The following CFAP157 variants were observed in gnomAD, a reference collection of about 807,000 sequenced individuals.
CFAP157 encodes cilia- and flagella-associated protein 157.
Under a neutral mutation model 57.8 loss-of-function variants are expected in CFAP157, and 43 were observed. The ratio of observed to expected loss-of-function variants is 0.74; its 90% confidence interval spans 0.58 to 0.96. The LOEUF is 0.96. Among genes scored for constraint, CFAP157 ranks in the 40% least tolerant of loss-of-function variants. The probability of loss-of-function intolerance (pLI) is 0.00; values close to 1 mark genes in which losing one functional copy is unlikely to be tolerated. For synonymous variants in CFAP157, 267 were observed against 269.0 expected (o/e 0.99, Z 0.07); for missense variants, 606 against 655.3 (o/e 0.92, Z 0.82).
chr9:127,711,167 G>C (rs1222102763), intron 3 of CFAP157, 62 bp from the exon 4 acceptor site: 11 of 1,569,358 alleles, frequency 7.0e-6, no homozygotes, highest in Non-Finnish European at 9.5e-6. Context: ...CCTCACAAAG[G>C]GGTGTGCCCA....
chr9:127,712,163 G>C (rs1842781000), intron 5 of CFAP157, 36 bp from the exon 6 acceptor site: 1 of 1,611,590 alleles, frequency 6.2e-7, no homozygotes, highest in Non-Finnish European at 8.5e-7. Context: ...CCTGGGGAAG[G>C]GGGAAGGCTG....
Position 127,711,970 on chromosome 9 carries a change from G to A in CFAP157, c.986+20G>A, listed in dbSNP as rs1049940851. 2 of 1,597,816 alleles carry A rather than the reference G, an allele frequency of 1.3e-6. No individual in the cohort carries two copies. The highest frequency in any genetic ancestry group is 1.7e-6 in the Non-Finnish European group (2 of 1,174,480). On this transcript the variant is annotated intron_variant, in intron 5 of 8. Coordinates refer to ENST00000373295, the MANE Select transcript of CFAP157 (RefSeq NM_001012502.3). ...ACTGAAGTGCGTATGGCCCACGGAG[G>A]GGCGGGCGGCGGGTGCAGGCTGGGG...
In CFAP157 at chr9:127,713,049, G is replaced by T. The variant is rs1430042145; in HGVS notation, c.1334G>T (p.Gly445Val). Reference protein sequence around the residue: ...SRPSIQLPRTGSLLPQLSDIT... With the variant: ...SRPSIQLPRTVSLLPQLSDIT... ...CCCAGCATCCAGCTGCCCAGGACTG[G>T]GTCTCTGCTGCCGCAGCTCTCTGAC... Residue 445 changes from glycine (G) to valine (V), a missense_variant, in exon 8 of 9, where the codon GGG becomes GTG. Physicochemically the swap from Gly to Val is moderately radical, Grantham distance 109 (BLOSUM62 -3). Coordinates refer to ENST00000373295, the MANE Select transcript of CFAP157 (RefSeq NM_001012502.3). The T allele has an allele frequency of 1.2e-6, 2 of 1,613,792 alleles. No homozygotes were observed.
chr9:127,712,486 G>A (rs183037906), intron 6 of CFAP157, 137 bp downstream of exon 6: 1,181 of 1,453,200 alleles, frequency 8.1e-4, no homozygotes, highest in Non-Finnish European at 1.0e-3. Flanking sequence ...TCTGTCCTTC[G>A]CTGATTCTGG....
intron 4 of CFAP157, 108 bp from the exon 5 acceptor site, chr9:127,711,712 T>C (rs1262000713): frequency 7.6e-7 from 1 of 1,320,462 alleles, no homozygotes; most frequent in Non-Finnish European, 1.0e-6. Context: ...AGTCCAGCCC[T>C]GGAGAGCTCA....
Position 127,711,955 on chromosome 9 carries a change from G to C in CFAP157, c.986+5G>C. The C allele has an allele frequency of 6.2e-7, 1 of 1,604,398 alleles. No individual in the cohort carries two copies. The highest frequency in any genetic ancestry group is 2.2e-5 in the East Asian group (1 of 44,612). The stretch of plus-strand genomic sequence containing the variant: ...GGTGGATAACCAGGCACTGAAGTGC[G>C]TATGGCCCACGGAGGGGCGGGCGGC... On this transcript the variant is annotated splice_donor_5th_base_variant and intron_variant, in intron 5 of 8. Coordinates refer to ENST00000373295, the MANE Select transcript of CFAP157 (RefSeq NM_001012502.3).
At chr9:127,713,495 T>TA in intron 8 of CFAP157, 4 of 287,312 alleles carry the variant, frequency 1.4e-5, no homozygotes, top group East Asian at 6.6e-5. Context: ...CCAGCATCTT[T>TA]CTTTTTTTTT....
chr9:127,714,164 C>G lies in CFAP157; in HGVS notation c.*259C>G, dbSNP rs147912974. On this transcript the variant is annotated 3_prime_UTR_variant, in exon 9 of 9. Transcript: ENST00000373295. ...GTGGTCCAAGATCAGGTCGGTGGCT[C>G]GATCCAGCAACAGAGGCAGCAGCTC... The G allele has an allele frequency of 1.4e-5, 23 of 1,613,734 alleles. No individual in the cohort carries two copies. Among genetic ancestry groups the G allele is most frequent in the Non-Finnish European group, 1.9e-5 (23 of 1,180,022 alleles).
At position 127,715,626 on chromosome 9, in the gene CFAP157, C is replaced by T. The variant is rs557856733; in HGVS notation, c.*1721C>T. ...CAGCCGCTGTCCGGCGCCCAAAAAG[C>T]CGCCCGGCCTCATGCTGCCCCCATT... On this transcript the variant is annotated 3_prime_UTR_variant, in exon 9 of 9. Transcript: ENST00000373295. This position sits in a 1 kb window ranked among gnomAD's most constrained non-coding sequence, Gnocchi z 5.8. The T allele has an allele frequency of 2.5e-6, 4 of 1,612,438 alleles. No individual in the cohort carries two copies. In the East Asian group the frequency reaches 6.7e-5, roughly 27 times the overall value.
Position 127,714,701 on chromosome 9 carries a change from C to T in CFAP157, c.*796C>T. ...CCTCGGCAGTCAGCCCAAACAGCTC[C>T]GCTTAGCACAGGGAAACGGCAGCCC... On this transcript the variant is annotated 3_prime_UTR_variant, in exon 9 of 9. Coordinates refer to ENST00000373295, the MANE Select transcript of CFAP157 (RefSeq NM_001012502.3). 1.2e-6 allele frequency: 2 copies of T among 1,610,508 alleles called. No homozygotes were observed. The highest frequency in any genetic ancestry group is 1.3e-5 in the African/African-American group (1 of 74,904).
chr9:127,714,219 C>T lies in CFAP157; in HGVS notation c.*314C>T. The T allele has an allele frequency of 6.2e-7, 1 of 1,613,952 alleles. No homozygotes were observed. Among genetic ancestry groups the T allele is most frequent in the Non-Finnish European group, 8.5e-7 (1 of 1,180,008 alleles). On this transcript the variant is annotated 3_prime_UTR_variant, in exon 9 of 9. Transcript: ENST00000373295. ...TCAGCAGGGGAGAAGCAGCCCAGCA[C>T]ATGGGCCTGAACCGCCTCAGGGTGC...
chr9:127,713,217 CA>C lies in CFAP157; in HGVS notation c.1491+12del. 6.6e-7 allele frequency: 1 copy of C among 1,515,704 alleles called. No homozygotes were observed. Among genetic ancestry groups the C allele is most frequent in the Non-Finnish European group, 8.8e-7 (1 of 1,132,020 alleles). 93.9% of individuals were successfully genotyped at this position (1,515,704 alleles called of 1,614,324 possible). A position where few individuals can be genotyped will look rare whatever the true frequency, so the allele number is the denominator to read the frequency against. ...CACAGCAGCCCTGAGGTGAGGGTGCCAGGGGCCCCAGGGAAAGCAAGGTGGC... is the reference window on the plus strand; with the variant it reads ...CACAGCAGCCCTGAGGTGAGGGTGCCGGGGCCCCAGGGAAAGCAAGGTGGC... On this transcript the variant is annotated intron_variant, in intron 8 of 8. Coordinates refer to ENST00000373295, the MANE Select transcript of CFAP157 (RefSeq NM_001012502.3).
Position 127,714,453 on chromosome 9 carries a change from T to C in CFAP157, c.*548T>C, listed in dbSNP as rs1407847202. ...CAAGGGATATGGGAGGGGCAGTTAG[T>C]GCCTCCCTGGGGCAGTGTCCTTCCA... On this transcript the variant is annotated 3_prime_UTR_variant, in exon 9 of 9. Transcript: ENST00000373295. The C allele has an allele frequency of 6.2e-7, 1 of 1,613,112 alleles. No individual in the cohort carries two copies. Among genetic ancestry groups the C allele is most frequent in the African/African-American group, 1.3e-5 (1 of 74,926 alleles).
chr9:127,711,380 A>C lies in CFAP157; in HGVS notation c.739A>C (p.Lys247Gln). Reference sequence around the variant, plus strand: ...GGCCAGGGTCTCCCAGCAAGGCATGAAGCTGCTGCAGGAGAATGAGCAGCT... The same window carrying C: ...GGCCAGGGTCTCCCAGCAAGGCATGCAGCTGCTGCAGGAGAATGAGCAGCT... ...QMARVSQQGM[K>Q]LLQENEQLKG... is the part of the protein sequence containing the mutation. Residue 247 changes from lysine (K) to glutamine (Q), a missense_variant, in exon 4 of 9, where the codon AAG (lysine) becomes CAG (glutamine). Physicochemically the swap from Lys to Gln is moderately conservative, Grantham distance 53 (BLOSUM62 1). Coordinates refer to ENST00000373295, the MANE Select transcript of CFAP157 (RefSeq NM_001012502.3). 6.2e-7 allele frequency: 1 copy of C among 1,614,204 alleles called. No individual in the cohort carries two copies. Among genetic ancestry groups the C allele is most frequent in the South Asian group, 1.1e-5 (1 of 91,090 alleles).
chr9:127,710,655 A>C lies in CFAP157; in HGVS notation c.488A>C (p.Asp163Ala), dbSNP rs760642552. The change falls in exon 3 of 9, where the codon GAC (aspartate) becomes GCC (alanine). Residue 163 changes from aspartate (D) to alanine (A), a missense_variant. Coordinates refer to ENST00000373295, the MANE Select transcript of CFAP157 (RefSeq NM_001012502.3). ...CGGCTGCAGAAAGAGGAGGTCACGG[A>C]CAAGTTCACATTGCTGGAGGAGCAG... ...EFRLQKEEVT[D>A]KFTLLEEQVR... 7 of 1,586,894 alleles carry C rather than the reference A, an allele frequency of 4.4e-6. No homozygotes were observed. The highest frequency in any genetic ancestry group is 6.0e-6 in the Non-Finnish European group (7 of 1,166,306).
Position 127,715,059 on chromosome 9 carries a change from G to C in CFAP157, c.*1154G>C. The C allele has an allele frequency of 6.5e-7, 1 of 1,527,328 alleles. No individual in the cohort carries two copies. The highest frequency in any genetic ancestry group is 8.7e-7 in the Non-Finnish European group (1 of 1,143,262). The allele number at this position is 1,527,328 out of a possible 1,614,324, so 94.6% of individuals were successfully genotyped here. A position where few individuals can be genotyped will look rare whatever the true frequency, so the allele number is the denominator to read the frequency against. ...AGTTGGGCATCCCCCAGCGGGGCCA[G>C]GGCGAGGTCGGCGGCACAGTGCCGG... On this transcript the variant is annotated 3_prime_UTR_variant, in exon 9 of 9. Coordinates refer to ENST00000373295, the MANE Select transcript of CFAP157 (RefSeq NM_001012502.3). This position sits in a 1 kb window ranked among gnomAD's most constrained non-coding sequence, Gnocchi z 5.8.
chr9:127,710,590 G>GT lies in CFAP157; in HGVS notation c.434-10dup. ...AGCCCATCATTGGGCCTTGTGCGCT[G>GT]TGGCGGCCAGGGGGGAAGCTGGCAG... is the stretch of plus-strand genomic sequence containing the variant. On this transcript the variant is annotated splice_polypyrimidine_tract_variant and intron_variant, in intron 2 of 8. Transcript: ENST00000373295. The GT allele has an allele frequency of 6.4e-7, 1 of 1,573,738 alleles. No homozygotes were observed. Among genetic ancestry groups the GT allele is most frequent in the Non-Finnish European group, 8.6e-7 (1 of 1,159,256 alleles).
Position 127,713,957 on chromosome 9 carries a change from C to T in CFAP157, c.*52C>T, listed in dbSNP as rs143528313. On this transcript the variant is annotated 3_prime_UTR_variant, in exon 9 of 9. Coordinates refer to ENST00000373295, the MANE Select transcript of CFAP157 (RefSeq NM_001012502.3). ...AAATGGACTGGTCCAGTCACAGTCA[C>T]CCCCACTTTAATCCGCAGGCAGCCT... 17 of 1,585,624 alleles carry T rather than the reference C, an allele frequency of 1.1e-5. No individual in the cohort carries two copies. In the East Asian group the frequency reaches 2.7e-4, roughly 25 times the overall value.
At position 127,709,309 on chromosome 9, in the gene CFAP157, G is replaced by A. The variant is rs1704178931; in HGVS notation, c.162-113G>A. 3 of 1,140,380 alleles carry A rather than the reference G, an allele frequency of 2.6e-6. No homozygotes were observed. Among genetic ancestry groups the A allele is most frequent in the Non-Finnish European group, 3.7e-6 (3 of 809,846 alleles). 70.6% of individuals were successfully genotyped at this position (1,140,380 alleles called of 1,614,324 possible). A position where few individuals can be genotyped will look rare whatever the true frequency, so the allele number is the denominator to read the frequency against. ...GATGAGGCTGGATTCTGATCACAAGGAAACTCAAATGCCCCTTTACGGGAC... is the reference window on the plus strand; with the variant it reads ...GATGAGGCTGGATTCTGATCACAAGAAAACTCAAATGCCCCTTTACGGGAC... On this transcript the variant is annotated intron_variant, in intron 1 of 8. Transcript: ENST00000373295. This position sits in a 1 kb window ranked among gnomAD's most constrained non-coding sequence, Gnocchi z 4.7.
Sources: gnomAD v4.1 joint callset for allele counts on GRCh38, gnomAD v4.1.1 for gene constraint, Gnocchi (gnomAD v3.1) non-coding constraint, MANE v1.5 for transcripts, NCBI Gene and HGNC (gene_info 2026-07-23, HGNC 2026-07-21) for gene names.